ADCY1: variants seen among roughly 807,000 people sequenced by gnomAD.
The protein encoded by ADCY1 is adenylate cyclase 1.
A neutral mutation model predicts 105.4 loss-of-function variants in ADCY1; 28 were observed. That is an observed-to-expected ratio of 0.27 (90% confidence interval 0.20 to 0.36). The LOEUF (loss-of-function observed/expected upper bound fraction) is 0.36, where lower values mean the gene tolerates loss of function less well. ADCY1 is among the 10% of genes least tolerant of loss of function. The pLI is 1.00. For synonymous variants in ADCY1, 655 were observed against 623.8 expected (o/e 1.05, Z -0.75); for missense variants, 977 against 1,434.2 (o/e 0.68, Z 5.15).
At chr7:45,606,314 T>A (rs1053380980) in intron 2 of ADCY1, among the ~76,000 whole-genome samples, 14 of 152,120 alleles carry the variant, frequency 9.2e-5, no homozygotes, top group Non-Finnish European at 1.3e-4. Flanking sequence ...ACTTGGCCTT[T>A]GCTGGTGTGG....
chr7:45,703,529 T>G lies in ADCY1; in HGVS notation c.2571+37T>G, dbSNP rs2247685. On this transcript the variant is annotated intron_variant, in intron 15 of 19. Transcript: ENST00000297323. This position sits in a 1 kb window ranked among gnomAD's most constrained non-coding sequence, Gnocchi z 5.9. The stretch of plus-strand genomic sequence containing the variant: ...GCCTGCTCCTGGCCAGCACTAGCCC[T>G]ACACTGCTCTGGCCACCCCACTTGG... 794,352 of 1,613,258 alleles carry G rather than the reference T, an allele frequency of 0.49. 200,388 individuals carry two copies. The highest frequency in any genetic ancestry group is 0.66 in the South Asian group (60,375 of 91,036).
At chr7:45,648,450 A>G (rs1374026007) in intron 4 of ADCY1, among the ~76,000 whole-genome samples, 2 of 152,206 alleles carry the variant, frequency 1.3e-5, no homozygotes, top group African/African-American at 2.4e-5. Context: ...TGAGCGAGGT[A>G]TGGGGAAAGG....
At chr7:45,696,913 G>T (rs1784893570) in intron 14 of ADCY1, among the ~76,000 whole-genome samples, 1 of 152,182 alleles carries the variant, frequency 6.6e-6, no homozygotes. Context: ...GAAGGCCCTG[G>T]GCAGGTGTTG....
rs114644364 is a variant in ADCY1, at chr7:45,610,223, G to A, written c.790-156G>A. Among the ~76,000 whole-genome samples, 369 of 152,330 alleles carry A rather than the reference G, an allele frequency of 2.4e-3. 1 individual carries two copies. The highest frequency in any genetic ancestry group is 8.5e-3 in the African/African-American group (352 of 41,584). On this transcript the variant is annotated intron_variant, in intron 2 of 19. Transcript: ENST00000297323. Reference sequence around the variant, plus strand: ...GGAGGCTGTGCCAGCCCTGGCTAGTGCTCCTGGAGGGAGTTGCTTGTTCAG... The same window carrying A: ...GGAGGCTGTGCCAGCCCTGGCTAGTACTCCTGGAGGGAGTTGCTTGTTCAG...
intron 4 of ADCY1, among the ~76,000 whole-genome samples, chr7:45,634,107 C>T (rs1221462782): frequency 6.6e-6 from 1 of 152,162 alleles, no homozygotes; most frequent in Non-Finnish European, 1.5e-5. Flanking sequence ...TGAAACTCCG[C>T]TGAGCTCACT....
intron 4 of ADCY1, among the ~76,000 whole-genome samples, chr7:45,631,489 G>A (rs1341525416): frequency 4.6e-5 from 7 of 152,212 alleles, no homozygotes; most frequent in African/African-American, 1.4e-4. Flanking sequence ...GGGAACAAAA[G>A]TTTTCCTTAA....
intron 11 of ADCY1, 51 bp from the exon 12 acceptor site, chr7:45,684,917 CTGTGCACGTGA>C (rs1784636075): frequency 5.5e-6 from 8 of 1,442,184 alleles, no homozygotes; most frequent in Middle Eastern, 1.7e-4. Flanking sequence ...GAAGTATTAA[CTGTGCACGTGA>C]ATCACCTTGG....
chr7:45,674,274 A>G (rs576677806), intron 8 of ADCY1, among the ~76,000 whole-genome samples: 2 of 152,140 alleles, frequency 1.3e-5, no homozygotes, highest in Admixed American at 6.5e-5. Context: ...ATAAATGTCA[A>G]TTAGATCTTG....
At chr7:45,583,885 C>T (rs1487255174) in intron 1 of ADCY1, among the ~76,000 whole-genome samples, 2 of 150,552 alleles carry the variant, frequency 1.3e-5, no homozygotes, top group African/African-American at 2.5e-5. Context: ...GGTGATCCAC[C>T]TGCCTTGGCC....
rs573473321 is a variant in ADCY1 at position 45,642,772 on chromosome 7, A to G, written c.1021-5898A>G. On this transcript the variant is annotated intron_variant, in intron 4 of 19. Coordinates refer to ENST00000297323, the MANE Select transcript of ADCY1 (RefSeq NM_021116.4). Reference sequence around the variant, plus strand: ...TGGTCTCCCATCCACATTGCACCCAATGGTTTTATAGCAGCTGCCTTGCAA... The same window carrying G: ...TGGTCTCCCATCCACATTGCACCCAGTGGTTTTATAGCAGCTGCCTTGCAA... Among the ~76,000 whole-genome samples, 93 of 152,236 alleles carry G rather than the reference A, an allele frequency of 6.1e-4. 1 individual carries two copies. Among genetic ancestry groups the G allele is most frequent in the African/African-American group, 2.1e-3 (87 of 41,550 alleles).
chr7:45,710,570 G>A lies in ADCY1; in HGVS notation c.2975G>A (p.Arg992His), dbSNP rs142524908. Residue 992 changes from arginine to histidine, a missense_variant, in exon 19 of 20, where the codon CGC becomes CAC. Arg to His is a conservative substitution (Grantham distance 29). Around this residue, in one of 7 missense-constraint regions of ADCY1, gnomAD observed 152 missense variants for 293.7 expected, o/e 0.52. Transcript: ENST00000297323. This position sits in a 1 kb window ranked among gnomAD's most constrained non-coding sequence, Gnocchi z 4.7. ...GPVVAGVIGA[R>H]RPQYDIWGNT... is the part of the protein sequence containing the mutation. ...GTGGTGGCTGGAGTGATTGGCGCTC[G>A]CAGGCCCCAGTACGACATCTGGGGA... The A allele has an allele frequency of 2.5e-6, 4 of 1,613,874 alleles. No individual in the cohort carries two copies. The highest frequency in any genetic ancestry group is 3.4e-6 in the Non-Finnish European group (4 of 1,179,996).
intron 14 of ADCY1, among the ~76,000 whole-genome samples, chr7:45,693,091 C>T (rs12670400): frequency 0.21 from 31,831 of 152,154 alleles, 3,737 homozygotes; most frequent in East Asian, 0.44. Context: ...GAGTTTCCAA[C>T]ATTCCTTTCG....
chr7:45,706,876 C>T (rs1350744534), intron 17 of ADCY1, among the ~76,000 whole-genome samples: 1 of 152,108 alleles, frequency 6.6e-6, no homozygotes, highest in Non-Finnish European at 1.5e-5. Flanking sequence ...AAAAAAAACC[C>T]CAGTTAAAAA....
Position 45,679,731 on chromosome 7 carries a change from C to T in ADCY1, c.1921C>T (p.Leu641=), listed in dbSNP as rs374941543. 9.0e-5 allele frequency: 146 copies of T among 1,614,110 alleles called. No homozygotes were observed. The highest frequency in any genetic ancestry group is 1.2e-4 in the Non-Finnish European group (138 of 1,180,038). Reference sequence around the variant, plus strand: ...CAGGAGTGTGGTCGTCCTGCTCCTGCTAGTATTCTGCATCTGCTTCCTGGT... The same window carrying T: ...CAGGAGTGTGGTCGTCCTGCTCCTGTTAGTATTCTGCATCTGCTTCCTGGT... ...FPQSVVVLLL[L]VFCICFLVAC... Residue 641 remains leucine (L), a synonymous_variant, in exon 11 of 20, where the codon CTA becomes TTA. Coordinates refer to ENST00000297323, the MANE Select transcript of ADCY1 (RefSeq NM_021116.4).
chr7:45,698,393 C>T (rs957613801), intron 14 of ADCY1, among the ~76,000 whole-genome samples: 7 of 152,216 alleles, frequency 4.6e-5, no homozygotes, highest in African/African-American at 2.4e-5. Flanking sequence ...TCACATTTCT[C>T]CTCATGAAGC....
rs1792273305 is a variant in ADCY1, at chr7:45,574,703, C to T, written c.160C>T (p.Leu54=). The change falls in exon 1 of 20, where the codon CTG becomes TTG. Residue 54 remains leucine, a synonymous_variant. Coordinates refer to ENST00000297323, the MANE Select transcript of ADCY1 (RefSeq NM_021116.4). The surrounding 1 kb of genome is among the most constrained non-coding windows in gnomAD (Gnocchi z 7.0). ...ELEALFRGYT[L]RLEQAATLKA... is the part of the protein sequence containing the mutation. ...GGAGGCGCTGTTCCGCGGCTACACG[C>T]TGCGGCTGGAGCAGGCGGCCACGCT... 1 of 1,407,220 alleles carries T rather than the reference C, an allele frequency of 7.1e-7. No individual in the cohort carries two copies. The highest frequency in any genetic ancestry group is 3.3e-5 in the Admixed American group (1 of 30,406). 87.2% of individuals were successfully genotyped at this position (1,407,220 alleles called of 1,614,324 possible). A position where few individuals can be genotyped will look rare whatever the true frequency, so the allele number is the denominator to read the frequency against.
rs1049573223 is a variant in ADCY1 at position 45,591,084 on chromosome 7, A to T, written c.640-1675A>T. Among the ~76,000 whole-genome samples the T allele has an allele frequency of 2.6e-5, 4 of 152,114 alleles. No homozygotes were observed. The highest frequency in any genetic ancestry group is 5.9e-5 in the Non-Finnish European group (4 of 68,004). ...GGCTCTGATGTTGTTTCCAGATTGC[A>T]TGTGACCGTTGGTCCTAGGTTTGTT... is the stretch of plus-strand genomic sequence containing the variant. On this transcript the variant is annotated intron_variant, in intron 1 of 19. Transcript: ENST00000297323. This position sits in a 1 kb window ranked among gnomAD's most constrained non-coding sequence, Gnocchi z 4.1.
intron 2 of ADCY1, among the ~76,000 whole-genome samples, chr7:45,596,012 G>T (rs1482967197): frequency 6.6e-6 from 1 of 152,236 alleles, no homozygotes; most frequent in Non-Finnish European, 1.5e-5. Flanking sequence ...TTGGGGCCCA[G>T]TAGGGCCCTG....
intron 4 of ADCY1, among the ~76,000 whole-genome samples, chr7:45,633,338 C>T (rs981084398): frequency 6.6e-6 from 1 of 151,972 alleles, no homozygotes; most frequent in Non-Finnish European, 1.5e-5. Context: ...GGATTTTTTT[C>T]AATAAATATA....
Sources: gnomAD v4.1 joint callset for allele counts (sites outside exome capture counted in the v4.1 genomes callset) on GRCh38, gnomAD v4.1.1 for gene constraint, gnomAD v4.1.1 regional missense constraint, Gnocchi (gnomAD v3.1) non-coding constraint, MANE v1.5 for transcripts, NCBI Gene and HGNC (gene_info 2026-07-23, HGNC 2026-07-21) for gene names.